The following OVCH2 variants were observed in gnomAD, a reference collection of about 807,000 sequenced individuals.
OVCH2 encodes ovochymase 2.
In OVCH2, 88 loss-of-function variants were observed where a neutral mutation model predicts 73.7. The ratio of observed to expected loss-of-function variants is 1.19; its 90% confidence interval spans 1.01 to 1.43. The LOEUF (loss-of-function observed/expected upper bound fraction) is 1.43, where lower values mean the gene tolerates loss of function less well. Ranked by LOEUF, OVCH2 falls within the 40% of genes most tolerant of loss-of-function variation. The probability of loss-of-function intolerance (pLI) is 0.00; values close to 1 mark genes in which losing one functional copy is unlikely to be tolerated. For missense variants in OVCH2, 706 were observed against 674.5 expected (o/e 1.05, Z -0.52); for synonymous variants, 265 against 234.5 (o/e 1.13, Z -1.19).
rs4132088 is a variant in OVCH2 at position 7,696,120 on chromosome 11, C to T, written c.1141+345G>A. Among the ~76,000 whole-genome samples the T allele has an allele frequency of 0.011, 1,677 of 152,270 alleles. 86 individuals carry two copies. In the East Asian group the frequency reaches 0.16, roughly 15 times the overall value. Reference sequence around the variant, plus strand: ...TATTTTCCTTCTTAGCTTGATGAGGCAGGGAAAGGTCATTTTCACAGCTAG... The same window carrying T: ...TATTTTCCTTCTTAGCTTGATGAGGTAGGGAAAGGTCATTTTCACAGCTAG... On this transcript the variant is annotated intron_variant, in intron 10 of 15. Coordinates refer to ENST00000533663, the MANE Select transcript of OVCH2 (RefSeq NM_198185.7).
intron 8 of OVCH2, among the ~76,000 whole-genome samples, chr11:7,697,909 C>T (rs1044838832): frequency 1.3e-5 from 2 of 152,172 alleles, no homozygotes; most frequent in Non-Finnish European, 2.9e-5. Context: ...ATTACTCAAT[C>T]GTATCCAAAC....
At position 7,700,585 on chromosome 11, in the gene OVCH2, TCTC is replaced by T. The variant is rs1172057595; in HGVS notation, c.712-103_712-101del. On this transcript the variant is annotated intron_variant, in intron 6 of 15. Coordinates refer to ENST00000533663, the MANE Select transcript of OVCH2 (RefSeq NM_198185.7). ...GGATGCTGGAGGAGGATCAATGACA[TCTC>T]CTCACTTCTAATAATTTAGACTCAG... 7.2e-6 allele frequency: 9 copies of T among 1,252,262 alleles called. No homozygotes were observed. In the South Asian group the frequency reaches 1.2e-4, roughly 17 times the overall value. The allele number at this position is 1,252,262 out of a possible 1,614,324, so 77.6% of individuals were successfully genotyped here.
chr11:7,682,583 T>G, the OVCH2 span, among the ~76,000 whole-genome samples: 1 of 152,200 alleles, frequency 6.6e-6, no homozygotes, highest in Admixed American at 6.5e-5. Flanking sequence ...TCCTCTGCAT[T>G]TCCTCCAGTT....
chr11:7,679,444 G>A, the OVCH2 span, among the ~76,000 whole-genome samples: 2 of 152,182 alleles, frequency 1.3e-5, no homozygotes, highest in Admixed American at 6.5e-5. Context: ...GAGGGAAACA[G>A]GGAGGTTGGT....
At chr11:7,697,921 T>C (rs1856367421) in intron 8 of OVCH2, among the ~76,000 whole-genome samples, 1 of 152,220 alleles carries the variant, frequency 6.6e-6, no homozygotes, top group Admixed American at 6.5e-5. Context: ...TATCCAAACT[T>C]TTTTGGCTAG....
At chr11:7,701,032 G>A (rs1474436467) in intron 6 of OVCH2, among the ~76,000 whole-genome samples, 1 of 151,486 alleles carries the variant, frequency 6.6e-6, no homozygotes, top group East Asian at 1.9e-4. Flanking sequence ...AACCTCCCTT[G>A]GTACTCCTAA....
chr11:7,703,185 G>A (rs776102191), intron 3 of OVCH2, among the ~76,000 whole-genome samples: 5 of 152,130 alleles, frequency 3.3e-5, no homozygotes, highest in Admixed American at 2.0e-4. Context: ...CCTAGTATAC[G>A]CCCAGAACAC....
rs369333296 is a variant in OVCH2 at position 7,704,560 on chromosome 11, C to T, written c.198+5G>A. ...TCTTGATGCATAGAAGTCCTTGAGA[C>T]TCACCTGCCAGGGATAGGAACCCTT... is the stretch of plus-strand genomic sequence containing the variant. On this transcript the variant is annotated splice_donor_5th_base_variant and intron_variant, in intron 2 of 15. Transcript: ENST00000533663. 3 of 1,586,330 alleles carry T rather than the reference C, an allele frequency of 1.9e-6. No homozygotes were observed. Among genetic ancestry groups the T allele is most frequent in the Non-Finnish European group, 1.7e-6 (2 of 1,156,684 alleles).
intron 11 of OVCH2, 97 bp from the exon 12 acceptor site, chr11:7,695,285 A>G (rs1310493001): frequency 2.2e-6 from 3 of 1,360,780 alleles, no homozygotes; most frequent in East Asian, 2.5e-5. Context: ...ATGCATATCA[A>G]TTGCATTTTC....
In OVCH2 at chr11:7,691,352, C is replaced by A. The variant is rs779717869; in HGVS notation, c.1556G>T (p.Ser519Ile). 2 of 1,613,882 alleles carry A rather than the reference C, an allele frequency of 1.2e-6. No homozygotes were observed. The highest frequency in any genetic ancestry group is 2.2e-5 in the South Asian group (2 of 91,068). ...DVPTPVLSPS[S>I]IMLISFQSDE... ...TGATTGGAAGCTGATGAGCATGATG[C>A]TGGAGGGGCTCAGCACAGGGGTGGG... The change falls in exon 14 of 16, where the codon AGC becomes ATC. Residue 519 changes from serine to isoleucine, a missense_variant. Coordinates refer to ENST00000533663, the MANE Select transcript of OVCH2 (RefSeq NM_198185.7).
At chr11:7,693,648 T>C (rs4488184) in intron 12 of OVCH2, among the ~76,000 whole-genome samples, 50,715 of 152,108 alleles carry the variant, frequency 0.33, 9,591 homozygotes, top group South Asian at 0.45. Flanking sequence ...CAAATTTTCC[T>C]TAATTCTGCT....
At position 7,703,697 on chromosome 11, in the gene OVCH2, C is replaced by A; in HGVS notation, c.290+1G>T. ...TCACTCATGGGCTAGGCCTTTCTTACCTGTTTGCAATGCAGTGAGCCGCCG... is the reference window on the plus strand; with the variant it reads ...TCACTCATGGGCTAGGCCTTTCTTAACTGTTTGCAATGCAGTGAGCCGCCG... On this transcript the variant is annotated splice_donor_variant, in intron 3 of 15. Transcript: ENST00000533663. LOFTEE classifies it high-confidence loss of function. The A allele has an allele frequency of 6.3e-7, 1 of 1,599,564 alleles. No individual in the cohort carries two copies. Among genetic ancestry groups the A allele is most frequent in the East Asian group, 2.2e-5 (1 of 44,688 alleles).
At chr11:7,688,124 C>A (rs1265510710), downstream of OVCH2, among the ~76,000 whole-genome samples, 2 of 152,050 alleles carry the variant, frequency 1.3e-5, no homozygotes, top group African/African-American at 4.8e-5. Context: ...CCTGGTTCTC[C>A]TCCTCCCCTT....
intron 12 of OVCH2, among the ~76,000 whole-genome samples, chr11:7,694,790 G>C (rs1287064455): frequency 1.5e-5 from 2 of 133,656 alleles, no homozygotes; most frequent in Admixed American, 8.1e-5. Flanking sequence ...TCAATACAAA[G>C]ATTAAAGCGG....
the OVCH2 span, among the ~76,000 whole-genome samples, chr11:7,680,985 T>C: frequency 6.6e-6 from 1 of 152,222 alleles, no homozygotes; most frequent in Non-Finnish European, 1.5e-5. Flanking sequence ...ATGTGCCCCC[T>C]GCTACCCAGT....
chr11:7,681,399 C>T, the OVCH2 span, among the ~76,000 whole-genome samples: 2 of 152,092 alleles, frequency 1.3e-5, no homozygotes, highest in Non-Finnish European at 2.9e-5. Flanking sequence ...CCATGGAAAA[C>T]CTTGTGCACT....
At chr11:7,701,223 T>C (rs1856430890) in intron 6 of OVCH2, 101 bp downstream of exon 6, 2 of 1,397,840 alleles carry the variant, frequency 1.4e-6, no homozygotes, top group Admixed American at 2.7e-5. Flanking sequence ...CAATATGCTT[T>C]CTAATTAAAT....
chr11:7,680,565 G>T, the OVCH2 span, among the ~76,000 whole-genome samples: 1 of 152,272 alleles, frequency 6.6e-6, no homozygotes, highest in South Asian at 2.1e-4. Context: ...CGACTGATTG[G>T]CAGAATGAAC....
In OVCH2 at chr11:7,695,823, T is replaced by C. The variant is rs796568823; in HGVS notation, c.1142-113A>G. The C allele has an allele frequency of 1.6e-5, 22 of 1,375,886 alleles. No individual in the cohort carries two copies. In the African/African-American group the frequency reaches 3.4e-4, roughly 21 times the overall value. 85.2% of individuals were successfully genotyped at this position (1,375,886 alleles called of 1,614,324 possible). On this transcript the variant is annotated intron_variant, in intron 10 of 15. Transcript: ENST00000533663. ...TATTTCAGGATTGTCCAATCCAAAGTTTCTCAGTCTTGTCACAATTGACAT... is the reference window on the plus strand; with the variant it reads ...TATTTCAGGATTGTCCAATCCAAAGCTTCTCAGTCTTGTCACAATTGACAT...
Sources: allele counts gnomAD v4.1 joint callset (sites outside exome capture counted in the v4.1 genomes callset), GRCh38; gene constraint gnomAD v4.1.1; transcripts MANE v1.5; gene names NCBI Gene and HGNC (gene_info 2026-07-23, HGNC 2026-07-21).